Variants in FBXO34 observed in about 807,000 individuals in gnomAD.
The protein encoded by FBXO34 is F-box only protein 34.
A neutral mutation model predicts 24.5 loss-of-function variants in FBXO34; 12 were observed. The observed-to-expected ratio is 0.49, with a 90% CI of 0.31 to 0.79. The LOEUF (loss-of-function observed/expected upper bound fraction) is 0.79. Among genes scored for constraint, FBXO34 ranks in the 30% least tolerant of loss-of-function variants. FBXO34 has a pLI of 0.04. For synonymous variants in FBXO34, 320 were observed against 311.9 expected (o/e 1.03, Z -0.27); for missense variants, 823 against 857.7 (o/e 0.96, Z 0.51).
chr14:55,357,028 G>A (rs1884532917), downstream of FBXO34, among the ~76,000 whole-genome samples: 1 of 152,164 alleles, frequency 6.6e-6, no homozygotes. Context: ...TTGTGAGTTG[G>A]TCAAGGTACC....
At chr14:55,380,114 C>A in the FBXO34 span, among the ~76,000 whole-genome samples, 3 of 151,836 alleles carry the variant, frequency 2.0e-5, no homozygotes, top group African/African-American at 4.8e-5. Context: ...CAGGCGTGGT[C>A]GTGGGTGCCT....
intron 1 of FBXO34, among the ~76,000 whole-genome samples, chr14:55,329,531 A>G (rs1883463672): frequency 1.3e-5 from 2 of 152,196 alleles, no homozygotes; most frequent in African/African-American, 4.8e-5. Flanking sequence ...ATGTTTCTTG[A>G]CACTTGAATC....
At chr14:55,366,391 T>A (rs1884679436), downstream of FBXO34, 1 of 152,628 alleles carries the variant, frequency 6.6e-6, no homozygotes, top group Non-Finnish European at 1.5e-5. Flanking sequence ...ATGAGCAAAG[T>A]ACTGTTAAAA....
chr14:55,395,275 T>C, the FBXO34 span: 13 of 325,094 alleles, frequency 4.0e-5, no homozygotes, highest in African/African-American at 2.9e-4. Context: ...CTGCGAGGCA[T>C]AGTGCATCTA....
chr14:55,399,557 A>C, the FBXO34 span, among the ~76,000 whole-genome samples: 1 of 152,250 alleles, frequency 6.6e-6, no homozygotes, highest in African/African-American at 2.4e-5. Flanking sequence ...CAGAATACTA[A>C]GAAATCTAAT....
At chr14:55,323,206 A>T (rs1231598533) in intron 1 of FBXO34, among the ~76,000 whole-genome samples, 9,677 of 38,992 alleles carry the variant, frequency 0.25, 1,663 homozygotes, top group Non-Finnish European at 0.27. Context: ...AAAAAAAAAA[A>T]AAAAAAAAAA....
the FBXO34 span, chr14:55,433,629 C>A: frequency 6.8e-6 from 11 of 1,613,574 alleles, no homozygotes; most frequent in African/African-American, 1.3e-5. Flanking sequence ...ATTCCTCATA[C>A]CTTTTGGCTC....
chr14:55,385,613 G>A, the FBXO34 span, among the ~76,000 whole-genome samples: 2 of 152,144 alleles, frequency 1.3e-5, no homozygotes, highest in African/African-American at 2.4e-5. Context: ...TCTTAATCAG[G>A]AGTGTGAGTC....
intron 1 of FBXO34, among the ~76,000 whole-genome samples, chr14:55,295,129 A>G (rs1299865098): frequency 6.6e-6 from 1 of 152,170 alleles, no homozygotes; most frequent in Admixed American, 6.5e-5. Flanking sequence ...GCGCCATCGT[A>G]AAGTCAAAAA....
chr14:55,358,603 C>A (rs967291934), downstream of FBXO34, among the ~76,000 whole-genome samples: 1 of 145,500 alleles, frequency 6.9e-6, no homozygotes, highest in Non-Finnish European at 1.5e-5. Context: ...ACAGTGCCTG[C>A]CCCCTTGATC....
chr14:55,413,950 C>T, the FBXO34 span: 2 of 499,656 alleles, frequency 4.0e-6, no homozygotes, highest in African/African-American at 3.9e-5. Context: ...TACAATATCA[C>T]CTTTTTCGTA....
intron 1 of FBXO34, among the ~76,000 whole-genome samples, chr14:55,281,913 C>G (rs1881556941): frequency 6.7e-6 from 1 of 149,880 alleles, no homozygotes; most frequent in Non-Finnish European, 1.5e-5. Flanking sequence ...AAGGACATAG[C>G]TGGGCTATGT....
intron 1 of FBXO34, chr14:55,339,291 A>G (rs1237441636): frequency 1.3e-5 from 2 of 152,148 alleles, no homozygotes; most frequent in South Asian, 2.1e-4. Flanking sequence ...TTGTATGTAC[A>G]ATATGATCAT....
In FBXO34 at chr14:55,352,687, C is replaced by A; in HGVS notation, c.*161C>A. 1 of 656,594 alleles carries A rather than the reference C, an allele frequency of 1.5e-6. No homozygotes were observed. The allele number at this position is 656,594 out of a possible 1,614,324, so 40.7% of individuals were successfully genotyped here. On this transcript the variant is annotated 3_prime_UTR_variant, in exon 2 of 2. Coordinates refer to ENST00000313833, the MANE Select transcript of FBXO34 (RefSeq NM_017943.4). Reference sequence around the variant, plus strand: ...ATTTTCTAAACTCTAAATTTACGAGCTGTACAAAAAAATTGGTCTTGTTGT... The same window carrying A: ...ATTTTCTAAACTCTAAATTTACGAGATGTACAAAAAAATTGGTCTTGTTGT...
intron 1 of FBXO34, among the ~76,000 whole-genome samples, chr14:55,317,775 A>G (rs1306799507): frequency 6.6e-6 from 1 of 152,136 alleles, no homozygotes; most frequent in Non-Finnish European, 1.5e-5. Context: ...ACATTTACCA[A>G]CCCACCATGG....
At chr14:55,386,407 C>G in the FBXO34 span, among the ~76,000 whole-genome samples, 2 of 152,134 alleles carry the variant, frequency 1.3e-5, no homozygotes, top group African/African-American at 2.4e-5. Flanking sequence ...CAGTGTGCAC[C>G]AAAGAATAGT....
At chr14:55,380,516 A>C in the FBXO34 span, 1 of 1,184,982 alleles carries the variant, frequency 8.4e-7, no homozygotes, top group Non-Finnish European at 1.2e-6. Flanking sequence ...AATAAAGACA[A>C]AATAGAAACT....
chr14:55,302,597 A>G (rs1298080601), intron 1 of FBXO34, among the ~76,000 whole-genome samples: 2 of 151,700 alleles, frequency 1.3e-5, no homozygotes, highest in South Asian at 2.1e-4. Context: ...GGCCCGTATT[A>G]TCTTGTTCGG....
At chr14:55,302,746 G>T (rs1882408351) in intron 1 of FBXO34, among the ~76,000 whole-genome samples, 1 of 152,108 alleles carries the variant, frequency 6.6e-6, no homozygotes, top group Non-Finnish European at 1.5e-5. Flanking sequence ...ACTAGATACA[G>T]AAACAAGTTT....
Sources: gnomAD v4.1 joint callset for allele counts (sites outside exome capture counted in the v4.1 genomes callset) on GRCh38, gnomAD v4.1.1 for gene constraint, MANE v1.5 for transcripts, NCBI Gene and HGNC (gene_info 2026-07-23, HGNC 2026-07-21) for gene names.